The following RARA variants were observed in gnomAD, a reference collection of about 807,000 sequenced individuals.
The protein encoded by RARA is retinoic acid receptor alpha.
A neutral mutation model predicts 42.8 loss-of-function variants in RARA; 5 were observed. The ratio of observed to expected loss-of-function variants is 0.12; its 90% CI spans 0.06 to 0.25. RARA has a LOEUF of 0.25. Among genes scored for constraint, RARA ranks in the 10% least tolerant of loss-of-function variants. The pLI is 1.00. For missense variants in RARA, 402 were observed against 628.7 expected, an observed-to-expected ratio of 0.64 and a Z score of 3.86; for synonymous variants, 256 against 259.5, an observed-to-expected ratio of 0.99 and a Z score of 0.13.
intron 2 of RARA, among the ~76,000 whole-genome samples, chr17:40,334,130 T>G (rs2033779361): frequency 1.3e-5 from 2 of 152,190 alleles, no homozygotes; most frequent in Admixed American, 1.3e-4. Flanking sequence ...AGGGAGCAAA[T>G]GCTTTGCCTT....
rs1028132667 is a variant in RARA, at chr17:40,356,951, GTTTTCTCTTTAA to G, written c.*726_*737del. 1.0e-5 allele frequency: 4 copies of G among 387,038 alleles called. No individual in the cohort carries two copies. The highest frequency in any genetic ancestry group is 8.4e-5 in the African/African-American group (4 of 47,532). 24.0% of individuals were successfully genotyped at this position (387,038 alleles called of 1,614,324 possible). A position where few individuals can be genotyped will look rare whatever the true frequency, so the allele number is the denominator to read the frequency against. Reference sequence around the variant, plus strand: ...CTCCTCCTCAGCCTTTTCCTCCTCAGTTTTCTCTTTAAAACTGTGAAGTACTAACTTTCCAAG... The same window carrying G: ...CTCCTCCTCAGCCTTTTCCTCCTCAGAACTGTGAAGTACTAACTTTCCAAG... On this transcript the variant is annotated 3_prime_UTR_variant, in exon 9 of 9. Coordinates refer to ENST00000254066, the MANE Select transcript of RARA (RefSeq NM_000964.4).
In RARA at chr17:40,326,702, G is replaced by A. The variant is rs538612751; in HGVS notation, c.-362-4155G>A. 3.3e-5 allele frequency among the ~76,000 whole-genome samples: 5 copies of A among 152,286 alleles called. No individual in the cohort carries two copies. The South Asian group carries it at 1.0e-3, about 32-fold the overall frequency. ...TCTCAGGGGAGGGTGCCCGTGGGCA[G>A]TGGAGGTGGCTGGCATAGGGTGGAG... is the stretch of plus-strand genomic sequence containing the variant. On this transcript the variant is annotated intron_variant, in intron 1 of 8. Transcript: ENST00000254066. This position sits in a 1 kb window ranked among gnomAD's most constrained non-coding sequence, Gnocchi z 5.2.
chr17:40,356,566 G>C lies in RARA; in HGVS notation c.*340G>C, dbSNP rs1326245886. 1 of 572,468 alleles carries C rather than the reference G, an allele frequency of 1.7e-6. No homozygotes were observed. The highest frequency in any genetic ancestry group is 1.5e-5 in the South Asian group (1 of 65,616). 35.5% of individuals were successfully genotyped at this position (572,468 alleles called of 1,614,324 possible). A position where few individuals can be genotyped will look rare whatever the true frequency, so the allele number is the denominator to read the frequency against. On this transcript the variant is annotated 3_prime_UTR_variant, in exon 9 of 9. Transcript: ENST00000254066. Reference sequence around the variant, plus strand: ...CACCACATCTTCATCACCAGCAAACGCCAGGACTTGGCTCCCCCATCCTCA... The same window carrying C: ...CACCACATCTTCATCACCAGCAAACCCCAGGACTTGGCTCCCCCATCCTCA...
At chr17:40,348,613 ACCACAGTTTCC>A (rs1192453835) in intron 3 of RARA, 149 bp downstream of exon 3, 1 of 1,035,028 alleles carries the variant, frequency 9.7e-7, no homozygotes, top group African/African-American at 1.7e-5. Flanking sequence ...AGGGACACCT[ACCACAGTTTCC>A]CCACAGGTCC....
At chr17:40,317,234 G>C (rs1419774254) in intron 1 of RARA, among the ~76,000 whole-genome samples, 1 of 152,230 alleles carries the variant, frequency 6.6e-6, no homozygotes, top group Non-Finnish European at 1.5e-5. Context: ...GGGAAGTTCT[G>C]TGGGGGCACT....
chr17:40,334,516 G>A (rs1037062102), intron 2 of RARA, among the ~76,000 whole-genome samples: 6 of 152,344 alleles, frequency 3.9e-5, no homozygotes, highest in Non-Finnish European at 7.3e-5. Context: ...GAGCTCCTGA[G>A]CTCTGAGTAG....
At chr17:40,312,599 G>C (rs569698607) in intron 1 of RARA, among the ~76,000 whole-genome samples, 1 of 152,360 alleles carries the variant, frequency 6.6e-6, no homozygotes, top group East Asian at 1.9e-4. Flanking sequence ...GAGTGAGGAA[G>C]GGCCAGAGGG....
rs543293741 is a variant in RARA at position 40,355,773 on chromosome 17, G to A, written c.1172-236G>A. Among the ~76,000 whole-genome samples, 5 of 152,356 alleles carry A rather than the reference G, an allele frequency of 3.3e-5. No individual in the cohort carries two copies. In the South Asian group the frequency reaches 1.0e-3, roughly 32 times the overall value. ...AGCACAGGGGAAGGAAGGGCTTGGC[G>A]TCTAGCCCAGGCCGGCAGTCTGGCC... On this transcript the variant is annotated intron_variant, in intron 8 of 8. Coordinates refer to ENST00000254066, the MANE Select transcript of RARA (RefSeq NM_000964.4). The surrounding 1 kb of genome is among the most constrained non-coding windows in gnomAD (Gnocchi z 4.1).
rs1195124990 is a variant in RARA at position 40,351,421 on chromosome 17, C to T, written c.470-489C>T. The T allele has an allele frequency of 6.5e-6, 3 of 460,584 alleles. No individual in the cohort carries two copies. Among genetic ancestry groups the T allele is most frequent in the South Asian group, 4.7e-5 (3 of 63,612 alleles). The allele number at this position is 460,584 out of a possible 1,614,324, so 28.5% of individuals were successfully genotyped here. On this transcript the variant is annotated intron_variant, in intron 4 of 8. Transcript: ENST00000254066. This position sits in a 1 kb window ranked among gnomAD's most constrained non-coding sequence, Gnocchi z 4.1. ...CAGCTAATGGGCCAAGAGATTCTCC[C>T]CGCCAGGTCCCCCACTCTCAGGCTG...
chr17:40,341,568 G>A, intron 2 of RARA: 1 of 1,369,852 alleles, frequency 7.3e-7, no homozygotes, highest in Non-Finnish European at 9.4e-7. Context: ...GGGGCTGGCG[G>A]GCGAGCCCCG....
At chr17:40,336,949 C>T (rs977308926) in intron 2 of RARA, among the ~76,000 whole-genome samples, 7 of 152,200 alleles carry the variant, frequency 4.6e-5, no homozygotes, top group Non-Finnish European at 8.8e-5. Flanking sequence ...CCGCCCGCCT[C>T]GGCCTCCTAA....
chr17:40,354,428 T>C lies in RARA; in HGVS notation c.934T>C (p.Phe312Leu), dbSNP rs1257809729. The change falls in exon 7 of 9, where the codon TTC becomes CTC. Residue 312 changes from phenylalanine to leucine, a missense_variant. Phe to Leu is a conservative substitution (Grantham distance 22). Transcript: ENST00000254066. The surrounding 1 kb of genome is among the most constrained non-coding windows in gnomAD (Gnocchi z 4.5). Reference protein sequence around the residue: ...FGPLTDLVFAFANQLLPLEMD... With the variant: ...FGPLTDLVFALANQLLPLEMD... ...CCCCCTCACCGACCTGGTCTTTGCC[T>C]TCGCCAACCAGCTGCTGCCCCTGGA... 6.2e-7 allele frequency: 1 copy of C among 1,614,134 alleles called. No individual in the cohort carries two copies. The highest frequency in any genetic ancestry group is 1.1e-5 in the South Asian group (1 of 91,080).
Position 40,352,088 on chromosome 17 carries a change from C to A in RARA, c.630+18C>A. On this transcript the variant is annotated intron_variant, in intron 5 of 8. Transcript: ENST00000254066. The surrounding 1 kb of genome is among the most constrained non-coding windows in gnomAD (Gnocchi z 4.9). ...ACACTACGGTATGGCTTTCCCCCGG[C>A]CTGCAGGGTGGGATTTGCCCAGGGC... is the stretch of plus-strand genomic sequence containing the variant. 3 of 1,542,588 alleles carry A rather than the reference C, an allele frequency of 1.9e-6. No homozygotes were observed. Among genetic ancestry groups the A allele is most frequent in the South Asian group, 2.5e-5 (2 of 81,042 alleles).
rs1040611474 is a variant in RARA, at chr17:40,356,354, TGGGGGAC to T, written c.*133_*139del. On this transcript the variant is annotated 3_prime_UTR_variant, in exon 9 of 9. Coordinates refer to ENST00000254066, the MANE Select transcript of RARA (RefSeq NM_000964.4). ...CCCGGGCAGTACTGGGGACCTTCCCTGGGGGACGGGGAGGGAGGAGGCAGCGACTCCT... is the reference window on the plus strand; with the variant it reads ...CCCGGGCAGTACTGGGGACCTTCCCTGGGGAGGGAGGAGGCAGCGACTCCT... 6.6e-6 allele frequency: 7 copies of T among 1,056,474 alleles called. No homozygotes were observed. The highest frequency in any genetic ancestry group is 1.6e-5 in the African/African-American group (1 of 63,784). 65.4% of individuals were successfully genotyped at this position (1,056,474 alleles called of 1,614,324 possible).
rs891735940 is a variant in RARA at position 40,355,571 on chromosome 17, G to A, written c.1171+150G>A. 1 of 1,142,370 alleles carries A rather than the reference G, an allele frequency of 8.8e-7. No homozygotes were observed. Among genetic ancestry groups the A allele is most frequent in the Non-Finnish European group, 1.2e-6 (1 of 824,342 alleles). 70.8% of individuals were successfully genotyped at this position (1,142,370 alleles called of 1,614,324 possible). On this transcript the variant is annotated intron_variant, in intron 8 of 8. Transcript: ENST00000254066. The surrounding 1 kb of genome is among the most constrained non-coding windows in gnomAD (Gnocchi z 4.1). ...TGAGGTCCCCTAGTGACTCCACTTT[G>A]CCGAGGTGGCCCGCCTGTGTCACCT...
chr17:40,343,004 G>A, intron 2 of RARA: 1 of 1,447,660 alleles, frequency 6.9e-7, no homozygotes, highest in Admixed American at 2.5e-5. Flanking sequence ...TGTTGCCCTT[G>A]CTGGACAATT....
chr17:40,346,519 C>T (rs556645107), intron 2 of RARA, among the ~76,000 whole-genome samples: 2 of 151,756 alleles, frequency 1.3e-5, no homozygotes, highest in African/African-American at 4.8e-5. Context: ...ATCTCCCCTC[C>T]CCCCACCAGT....
intron 1 of RARA, among the ~76,000 whole-genome samples, chr17:40,310,553 G>A (rs2033077383): frequency 6.6e-6 from 1 of 152,142 alleles, no homozygotes; most frequent in Non-Finnish European, 1.5e-5. Context: ...CTAAAGGTTG[G>A]TTTTAGAGGA....
At chr17:40,311,204 G>A (rs2033088803) in intron 1 of RARA, among the ~76,000 whole-genome samples, 1 of 152,046 alleles carries the variant, frequency 6.6e-6, no homozygotes, top group African/African-American at 2.4e-5. Flanking sequence ...AGATATGTGT[G>A]GCGGCTAAGA....
Sources: gnomAD v4.1 joint callset for allele counts (sites outside exome capture counted in the v4.1 genomes callset) on GRCh38, gnomAD v4.1.1 for gene constraint, Gnocchi (gnomAD v3.1) non-coding constraint, MANE v1.5 for transcripts, NCBI Gene and HGNC (gene_info 2026-07-23, HGNC 2026-07-21) for gene names.